The following RBFOX1 variants were observed in gnomAD, a reference collection of about 807,000 sequenced individuals.
RBFOX1 encodes RNA binding fox-1 homolog 1.
Under a neutral mutation model 57.7 loss-of-function variants are expected in RBFOX1, and 8 were observed. The ratio of observed to expected loss-of-function variants is 0.14; its 90% CI spans 0.08 to 0.25. RBFOX1 has a LOEUF of 0.25. Among genes scored for constraint, RBFOX1 ranks in the 10% least tolerant of loss-of-function variants. RBFOX1 has a pLI of 1.00. For synonymous variants in RBFOX1, 326 were observed against 222.4 expected (o/e 1.47, Z -4.15); for missense variants, 611 against 548.5 (o/e 1.11, Z -1.14).
chr16:5,710,350 G>A (rs1390981848), intron 3 of RBFOX1, among the ~76,000 whole-genome samples: 1 of 152,160 alleles, frequency 6.6e-6, no homozygotes, highest in East Asian at 1.9e-4. Context: ...TAAATGTAGG[G>A]ATGGCTGCCT....
rs148900421 is a variant in RBFOX1 at position 7,130,357 on chromosome 16, C to G, written c.27+78259C>G. ...GGCCTGAAGACTGATTATTTTTAAGCCAGCTGAATGGGTTAAGTGTTTGTC... is the reference window on the plus strand; with the variant it reads ...GGCCTGAAGACTGATTATTTTTAAGGCAGCTGAATGGGTTAAGTGTTTGTC... On this transcript the variant is annotated intron_variant, in intron 4 of 15. Coordinates refer to ENST00000550418, the MANE Select transcript of RBFOX1 (RefSeq NM_018723.4). 3.7e-3 allele frequency among the ~76,000 whole-genome samples: 567 copies of G among 152,126 alleles called. 7 individuals are homozygous for G. Among genetic ancestry groups the G allele is most frequent in the African/African-American group, 0.012 (511 of 41,530 alleles).
intron 2 of RBFOX1, among the ~76,000 whole-genome samples, chr16:6,629,944 G>C (rs1375825004): frequency 7.0e-6 from 1 of 143,172 alleles, no homozygotes; most frequent in Non-Finnish European, 1.5e-5. Context: ...TTTACATTTG[G>C]CCTTATTTCG....
intron 4 of RBFOX1, among the ~76,000 whole-genome samples, chr16:5,993,310 C>T (rs1378611189): frequency 6.7e-6 from 1 of 149,666 alleles, no homozygotes; most frequent in Non-Finnish European, 1.5e-5. Context: ...GAGAATGTGC[C>T]TGTTTGCCTG....
intron 3 of RBFOX1, among the ~76,000 whole-genome samples, chr16:6,813,034 A>AT (rs913340529): frequency 6.6e-6 from 1 of 152,082 alleles, no homozygotes; most frequent in African/African-American, 2.4e-5. Flanking sequence ...CAAAAGACCT[A>AT]TTGTCATGGC....
At chr16:5,602,567 C>G (rs75134742), downstream of RBFOX1, among the ~76,000 whole-genome samples, 3,024 of 152,244 alleles carry the variant, frequency 0.02, 99 homozygotes, top group African/African-American at 0.069. Context: ...TATATGATTC[C>G]AATTGTGTGC....
chr16:6,037,551 G>C (rs561562778), intron 1 of RBFOX1: 1 of 149,614 alleles, frequency 6.7e-6, no homozygotes, highest in Admixed American at 6.7e-5. Flanking sequence ...ACAGTCCGTT[G>C]AATGCATTTT....
At chr16:7,203,029 G>A (rs973468217) in intron 4 of RBFOX1, among the ~76,000 whole-genome samples, 6 of 152,096 alleles carry the variant, frequency 3.9e-5, no homozygotes, top group African/African-American at 1.4e-4. Flanking sequence ...CTCGTGATCC[G>A]CCTGCCTCGG....
intron 2 of RBFOX1, among the ~76,000 whole-genome samples, chr16:5,550,484 G>A (rs8046310): frequency 0.026 from 3,954 of 152,246 alleles, 188 homozygotes; most frequent in African/African-American, 0.089. Context: ...AGGAAGGGGA[G>A]CCAGCTCTCC....
Position 7,255,859 on chromosome 16 carries a change from A to C in RBFOX1, c.27+203761A>C, listed in dbSNP as rs182812046. Among the ~76,000 whole-genome samples the C allele has an allele frequency of 1.4e-3, 209 of 152,332 alleles. 2 individuals carry two copies. Among genetic ancestry groups the C allele is most frequent in the African/African-American group, 4.8e-3 (199 of 41,588 alleles). ...CAGCACGTCTCATTTCAGATCAGTCACATTTCATGTGTTCAATAGCCACAT... is the reference window on the plus strand; with the variant it reads ...CAGCACGTCTCATTTCAGATCAGTCCCATTTCATGTGTTCAATAGCCACAT... On this transcript the variant is annotated intron_variant, in intron 4 of 15. Transcript: ENST00000550418.
At chr16:6,399,304 AC>A (rs1327924267) in intron 2 of RBFOX1, among the ~76,000 whole-genome samples, 3 of 152,204 alleles carry the variant, frequency 2.0e-5, no homozygotes, top group Admixed American at 2.0e-4. Context: ...TGCCCTGGAA[AC>A]ATTTTCCCCA....
chr16:7,019,328 T>C (rs994265670), intron 3 of RBFOX1, among the ~76,000 whole-genome samples: 2 of 152,170 alleles, frequency 1.3e-5, no homozygotes, highest in Admixed American at 1.3e-4. Context: ...CAATTTTTCA[T>C]ATAAAATGAA....
chr16:7,433,191 A>G (rs1280185060), intron 4 of RBFOX1, among the ~76,000 whole-genome samples: 8 of 152,314 alleles, frequency 5.3e-5, no homozygotes, highest in East Asian at 3.9e-4. Flanking sequence ...GAGGAAGTCT[A>G]TAAAATCTCT....
At chr16:5,764,957 A>G (rs1199815769) in intron 3 of RBFOX1, among the ~76,000 whole-genome samples, 1 of 152,226 alleles carries the variant, frequency 6.6e-6, no homozygotes, top group Non-Finnish European at 1.5e-5. Flanking sequence ...GGAAAGGCAA[A>G]GTAGTTTGCC....
chr16:5,838,955 A>G (rs1442240126), intron 3 of RBFOX1, among the ~76,000 whole-genome samples: 2 of 152,082 alleles, frequency 1.3e-5, no homozygotes, highest in Admixed American at 1.3e-4. Flanking sequence ...AAAAGTTTGC[A>G]CCCCAGAGGA....
In RBFOX1 at chr16:6,725,350, C is replaced by G. The variant is rs377350935; in HGVS notation, c.-16+70700C>G. On this transcript the variant is annotated intron_variant, in intron 3 of 15. Coordinates refer to ENST00000550418, the MANE Select transcript of RBFOX1 (RefSeq NM_018723.4). ...ACAGGTTTGAGCCACCGCGCCCGGC[C>G]GGTTTTGGCTAGCTTTTTAAGGCAT... 3.3e-5 allele frequency among the ~76,000 whole-genome samples: 5 copies of G among 151,638 alleles called. No individual in the cohort carries two copies. The South Asian group carries it at 6.3e-4, about 19-fold the overall frequency.
In RBFOX1 at chr16:7,173,809, C is replaced by G. The variant is rs1002775296; in HGVS notation, c.27+121711C>G. ...AATTGAATAGTAATATTCTTTATCCCAATGTCATACAACTGTTGTCCTATA... is the reference window on the plus strand; with the variant it reads ...AATTGAATAGTAATATTCTTTATCCGAATGTCATACAACTGTTGTCCTATA... On this transcript the variant is annotated intron_variant, in intron 4 of 15. Coordinates refer to ENST00000550418, the MANE Select transcript of RBFOX1 (RefSeq NM_018723.4). 2.6e-5 allele frequency among the ~76,000 whole-genome samples: 4 copies of G among 152,256 alleles called. No individual in the cohort carries two copies. The South Asian group carries it at 8.3e-4, about 32-fold the overall frequency.
intron 1 of RBFOX1, among the ~76,000 whole-genome samples, chr16:5,387,273 G>C (rs908874614): frequency 6.6e-6 from 1 of 152,124 alleles, no homozygotes; most frequent in African/African-American, 2.4e-5. Flanking sequence ...AATCTGCTGG[G>C]AGTTTCATTT....
chr16:6,205,779 G>A (rs998478921), intron 1 of RBFOX1, among the ~76,000 whole-genome samples: 1 of 146,734 alleles, frequency 6.8e-6, no homozygotes. Flanking sequence ...CTGCTCAACT[G>A]GTTTTGGTTT....
chr16:6,571,858 AGG>A, intron 2 of RBFOX1, among the ~76,000 whole-genome samples: 1 of 152,054 alleles, frequency 6.6e-6, no homozygotes, highest in African/African-American at 2.4e-5. Context: ...GGTTTGATTG[AGG>A]ATGATATTTC....
Sources: allele counts gnomAD v4.1 joint callset (sites outside exome capture counted in the v4.1 genomes callset), GRCh38; gene constraint gnomAD v4.1.1; transcripts MANE v1.5; gene names NCBI Gene and HGNC (gene_info 2026-07-23, HGNC 2026-07-21).